The following MED13 variants were observed in gnomAD, a reference collection of about 807,000 sequenced individuals.
The protein encoded by MED13 is mediator complex subunit 13.
Under a neutral mutation model 225.2 loss-of-function variants are expected in MED13, and 23 were observed. That is an observed-to-expected ratio of 0.10 (90% CI 0.07 to 0.14). MED13 has a LOEUF of 0.14. MED13 is among the 10% of genes least tolerant of loss of function. The pLI is 1.00. For missense variants in MED13, 2,197 were observed against 2,594.5 expected, an observed-to-expected ratio of 0.85 and a Z score of 3.33; for synonymous variants, 942 against 889.2, an observed-to-expected ratio of 1.06 and a Z score of -1.06.
intron 16 of MED13, among the ~76,000 whole-genome samples, chr17:61,979,811 A>G (rs2080188065): frequency 6.6e-6 from 1 of 152,204 alleles, no homozygotes; most frequent in Non-Finnish European, 1.5e-5. Context: ...GTGACCACCA[A>G]CTTCTATTTG....
chr17:61,970,678 T>TC (rs2080099091), intron 17 of MED13, among the ~76,000 whole-genome samples: 1 of 35,096 alleles, frequency 2.8e-5, no homozygotes, highest in African/African-American at 1.1e-4. Flanking sequence ...TGAGACTGTC[T>TC]CAAAAAAAAA....
At chr17:61,979,979 A>T (rs902586853) in intron 16 of MED13, among the ~76,000 whole-genome samples, 2 of 152,144 alleles carry the variant, frequency 1.3e-5, no homozygotes, top group African/African-American at 4.8e-5. Flanking sequence ...GCCTGAGCTC[A>T]GGAGTTCGAG....
At chr17:61,983,207 C>T in intron 15 of MED13, 93 bp from the exon 16 acceptor site, 1 of 1,010,554 alleles carries the variant, frequency 9.9e-7, no homozygotes, top group South Asian at 2.1e-5. Context: ...AAATGTTTTT[C>T]AATTACATAG....
Position 61,944,875 on chromosome 17 carries a change from T to C in MED13, c.*1593A>G, listed in dbSNP as rs1161724704. ...ACTTGGGCTCTTTTGTGAGCAGCAC[T>C]GTAGAAAGGATTTTTCAAGGGGGTA... On this transcript the variant is annotated 3_prime_UTR_variant, in exon 30 of 30. Coordinates refer to ENST00000397786, the MANE Select transcript of MED13 (RefSeq NM_005121.3). 6.6e-6 allele frequency: 1 copy of C among 152,576 alleles called. No individual in the cohort carries two copies. The highest frequency in any genetic ancestry group is 2.4e-5 in the African/African-American group (1 of 41,424). 9.5% of individuals were successfully genotyped at this position (152,576 alleles called of 1,614,324 possible).
chr17:62,003,873 TTCAG>T (rs2080421113), intron 9 of MED13: 1 of 152,200 alleles, frequency 6.6e-6, no homozygotes, highest in Non-Finnish European at 1.5e-5. Flanking sequence ...CTCATTCTTA[TTCAG>T]TGAGAAAAAT....
chr17:61,953,478 G>T (rs544790148), intron 26 of MED13, among the ~76,000 whole-genome samples: 1 of 152,272 alleles, frequency 6.6e-6, no homozygotes, highest in African/African-American at 2.4e-5. Context: ...TAAGAGGGAG[G>T]CAGTAGGGTT....
At position 62,008,016 on chromosome 17, in the gene MED13, C is replaced by CAAAAAAAA. The variant is rs60236710; in HGVS notation, c.1967+2526_1967+2533dup. On this transcript the variant is annotated intron_variant, in intron 9 of 29. Coordinates refer to ENST00000397786, the MANE Select transcript of MED13 (RefSeq NM_005121.3). Reference sequence around the variant, plus strand: ...CCTGGAGGAAAGAGCGAGACTGTCTCAAAAAAAAAAAAAAAAAAAAGCTGT... The same window carrying CAAAAAAAA: ...CCTGGAGGAAAGAGCGAGACTGTCTCAAAAAAAAAAAAAAAAAAAAAAAAAAAAGCTGT... Among the ~76,000 whole-genome samples, 181 of 50,442 alleles carry CAAAAAAAA rather than the reference C, an allele frequency of 3.6e-3. 10 individuals are homozygous for CAAAAAAAA. Among genetic ancestry groups the CAAAAAAAA allele is most frequent in the East Asian group, 8.1e-3 (10 of 1,230 alleles). 33.1% of individuals were successfully genotyped at this position (50,442 alleles called of 152,430 possible). A position where few individuals can be genotyped will look rare whatever the true frequency, so the allele number is the denominator to read the frequency against.
chr17:62,003,262 A>G (rs2080412961), intron 9 of MED13, among the ~76,000 whole-genome samples: 1 of 152,168 alleles, frequency 6.6e-6, no homozygotes, highest in Non-Finnish European at 1.5e-5. Context: ...CTGGATATTT[A>G]CCTTATCATC....
chr17:62,059,827 TAAGTA>T (rs1290356502), intron 2 of MED13, among the ~76,000 whole-genome samples: 3 of 152,144 alleles, frequency 2.0e-5, no homozygotes, highest in South Asian at 4.1e-4. Context: ...ACAACATTCT[TAAGTA>T]AATAACAGGT....
intron 26 of MED13, among the ~76,000 whole-genome samples, chr17:61,954,650 G>A (rs1409076923): frequency 6.6e-6 from 1 of 152,124 alleles, no homozygotes; most frequent in East Asian, 1.9e-4. Context: ...GGTGGCATGT[G>A]CCTGCAATCC....
At chr17:62,052,346 G>C (rs1040103747) in intron 3 of MED13, among the ~76,000 whole-genome samples, 191 bp downstream of exon 3, 3 of 150,872 alleles carry the variant, frequency 2.0e-5, no homozygotes, top group African/African-American at 7.3e-5. Context: ...GTAAGAAAAT[G>C]CTTAAAGTGT....
At position 62,052,694 on chromosome 17, in the gene MED13, C is replaced by T; in HGVS notation, c.313G>A (p.Gly105Arg). 6.4e-7 allele frequency: 1 copy of T among 1,562,590 alleles called. No individual in the cohort carries two copies. Among genetic ancestry groups the T allele is most frequent in the Non-Finnish European group, 8.7e-7 (1 of 1,152,744 alleles). ...IHHDLSEEED[G>R]VWENGLSYEC... ...TAGGAAAGTCCATTCTCCCACACTC[C>T]ATCTTCTTCTTCTAAAAGAGAAATG... The change falls in exon 3 of 30, where the codon GGA (glycine) becomes AGA (arginine). Residue 105 changes from glycine to arginine, a missense_variant. Physicochemically the swap from Gly to Arg is moderately radical, Grantham distance 125 (BLOSUM62 -2). Transcript: ENST00000397786.
intron 2 of MED13, among the ~76,000 whole-genome samples, chr17:62,052,935 T>C (rs1335604437): frequency 6.6e-6 from 1 of 152,216 alleles, no homozygotes; most frequent in Non-Finnish European, 1.5e-5. Context: ...AAAAGTATTT[T>C]TCCACCTTAT....
rs551476012 is a variant in MED13, at chr17:61,943,178, T to C, written c.*3290A>G. ...AAATAAGAATGTATATTAAAAACAT[T>C]TTTCCTTAATTCAGACAAACTAAAA... On this transcript the variant is annotated 3_prime_UTR_variant, in exon 30 of 30. Transcript: ENST00000397786. The C allele has an allele frequency of 5.5e-4, 84 of 152,616 alleles. No homozygotes were observed. The highest frequency in any genetic ancestry group is 1.9e-3 in the African/African-American group (81 of 41,564). 9.5% of individuals were successfully genotyped at this position (152,616 alleles called of 1,614,324 possible). A position where few individuals can be genotyped will look rare whatever the true frequency, so the allele number is the denominator to read the frequency against.
At chr17:61,955,287 G>T in intron 26 of MED13, 95 bp downstream of exon 26, 1 of 1,069,682 alleles carries the variant, frequency 9.3e-7, no homozygotes, top group Non-Finnish European at 1.3e-6. Flanking sequence ...TCATTTTTTG[G>T]TAAAACAAGG....
intron 3 of MED13, among the ~76,000 whole-genome samples, chr17:62,046,544 A>G (rs879187465): frequency 6.6e-6 from 1 of 152,250 alleles, no homozygotes; most frequent in African/African-American, 2.4e-5. Flanking sequence ...TATCCAATTA[A>G]AAGTTGTATT....
chr17:62,011,133 G>T lies in MED13; in HGVS notation c.1384C>A (p.Gln462Lys). The T allele has an allele frequency of 3.1e-6, 5 of 1,614,152 alleles. No homozygotes were observed. The highest frequency in any genetic ancestry group is 4.2e-6 in the Non-Finnish European group (5 of 1,180,034). The change falls in exon 9 of 30, where the codon CAA becomes AAA. Residue 462 changes from glutamine to lysine, a missense_variant. Gln to Lys is a moderately conservative substitution (Grantham distance 53). This residue lies in a region of MED13 where 884 missense variants were observed against 918.5 expected (regional missense o/e 0.96). Transcript: ENST00000397786. ...ILPKHKTNEK[Q>K]EKSEKPQKRP... Reference sequence around the variant, plus strand: ...TTCTGTGGCTTTTCACTCTTTTCTTGCTTCTCATTGGTCTTGTGCTTAGGA... The same window carrying T: ...TTCTGTGGCTTTTCACTCTTTTCTTTCTTCTCATTGGTCTTGTGCTTAGGA...
chr17:61,965,602 T>C, intron 19 of MED13, 134 bp from the exon 20 acceptor site: 2 of 825,704 alleles, frequency 2.4e-6, no homozygotes, highest in South Asian at 1.9e-5. Flanking sequence ...TGCTTGCTAA[T>C]GGTGTGACCT....
intron 9 of MED13, chr17:62,007,199 C>T (rs1452678674): frequency 6.6e-6 from 1 of 152,288 alleles, no homozygotes; most frequent in Admixed American, 6.5e-5. Context: ...CGAGATAGCG[C>T]CACTGCACTC....
Sources: allele counts gnomAD v4.1 joint callset (sites outside exome capture counted in the v4.1 genomes callset), GRCh38; gene constraint gnomAD v4.1.1; regional missense constraint gnomAD v4.1.1; transcripts MANE v1.5; gene names NCBI Gene and HGNC (gene_info 2026-07-23, HGNC 2026-07-21).